ARID2: variants seen among roughly 807,000 people sequenced by gnomAD.
ARID2 encodes AT-rich interactive domain-containing protein 2.
ARID2 carries 32 observed loss-of-function variants against 184.6 expected under a neutral mutation model. That is an observed-to-expected ratio of 0.17 (90% CI 0.13 to 0.23). The LOEUF is 0.23. Among genes scored for constraint, ARID2 ranks in the 10% least tolerant of loss-of-function variants. The pLI is 1.00. For missense variants in ARID2, 1,696 were observed against 2,197.6 expected (o/e 0.77, Z 4.56); for synonymous variants, 836 against 772.6 (o/e 1.08, Z -1.36).
intron 11 of ARID2, among the ~76,000 whole-genome samples, chr12:45,843,587 A>G (rs1316132996): frequency 6.6e-6 from 1 of 151,836 alleles, no homozygotes; most frequent in African/African-American, 2.4e-5. Context: ...CAGGCTGGTC[A>G]CAGAATTTTC....
rs186422890 is a variant in ARID2 at position 45,884,716 on chromosome 12, G to A, written c.4923-7064G>A. ...AGTCAGAACTGAGGGCAGTTGGTTT[G>A]GATCATCCCCCATATGAACCCCTTC... On this transcript the variant is annotated intron_variant, in intron 16 of 20. Transcript: ENST00000334344. 3.0e-4 allele frequency among the ~76,000 whole-genome samples: 46 copies of A among 152,202 alleles called. No individual in the cohort carries two copies. In the East Asian group the frequency reaches 5.4e-3, roughly 18 times the overall value.
chr12:45,846,199 A>G (rs1208438848), intron 11 of ARID2: 1 of 152,178 alleles, frequency 6.6e-6, no homozygotes, highest in Non-Finnish European at 1.5e-5. Flanking sequence ...CTCTTTCAGG[A>G]AAAAAGTATA....
intron 16 of ARID2, among the ~76,000 whole-genome samples, chr12:45,875,383 C>A (rs1285889079): frequency 6.6e-6 from 1 of 152,196 alleles, no homozygotes; most frequent in Non-Finnish European, 1.5e-5. Flanking sequence ...GTTGCCCAGG[C>A]AATGTAGATT....
intron 3 of ARID2, among the ~76,000 whole-genome samples, chr12:45,785,483 G>C (rs1443526475): frequency 6.6e-6 from 1 of 152,072 alleles, no homozygotes; most frequent in African/African-American, 2.4e-5. Flanking sequence ...GATTTATGTG[G>C]TAGTGAAAGA....
At chr12:45,754,353 C>T (rs1416119837) in intron 3 of ARID2, among the ~76,000 whole-genome samples, 1 of 152,200 alleles carries the variant, frequency 6.6e-6, no homozygotes, top group African/African-American at 2.4e-5. Flanking sequence ...CATACCCTTG[C>T]ACATCTTTTG....
chr12:45,791,405 A>G (rs1029937106), intron 3 of ARID2, among the ~76,000 whole-genome samples: 1 of 152,184 alleles, frequency 6.6e-6, no homozygotes, highest in Non-Finnish European at 1.5e-5. Flanking sequence ...TCCTGGTATA[A>G]ACTCAACTTT....
Position 45,749,189 on chromosome 12 carries a change from A to G in ARID2, c.284+17875A>G, listed in dbSNP as rs538345183. ...GAAAGTCAAAATGACTCCTTGTTCC[A>G]TGGGCTGTAGAATGGATGTTGTGTC... On this transcript the variant is annotated intron_variant, in intron 3 of 20. Coordinates refer to ENST00000334344, the MANE Select transcript of ARID2 (RefSeq NM_152641.4). 3.9e-5 allele frequency among the ~76,000 whole-genome samples: 6 copies of G among 152,352 alleles called. No individual in the cohort carries two copies. The East Asian group carries it at 1.2e-3, about 29-fold the overall frequency.
chr12:45,797,546 T>C (rs1942413267), intron 3 of ARID2, among the ~76,000 whole-genome samples: 1 of 152,208 alleles, frequency 6.6e-6, no homozygotes, highest in Admixed American at 6.5e-5. Flanking sequence ...TTTTAAATTT[T>C]AATGAGATAA....
rs371296258 is a variant in ARID2 at position 45,889,806 on chromosome 12, C to T, written c.4923-1974C>T. Reference sequence around the variant, plus strand: ...TACAAAAATTAGCTGGGCGTGGTGGCAGGTGCCTGTAGTCCCAGCTACTTG... The same window carrying T: ...TACAAAAATTAGCTGGGCGTGGTGGTAGGTGCCTGTAGTCCCAGCTACTTG... On this transcript the variant is annotated intron_variant, in intron 16 of 20. Coordinates refer to ENST00000334344, the MANE Select transcript of ARID2 (RefSeq NM_152641.4). 2.3e-3 allele frequency among the ~76,000 whole-genome samples: 343 copies of T among 152,252 alleles called. 12 individuals are homozygous for T. In the South Asian group the frequency reaches 0.067, roughly 30 times the overall value.
chr12:45,838,895 T>C (rs1329918806), intron 10 of ARID2, among the ~76,000 whole-genome samples: 1 of 148,582 alleles, frequency 6.7e-6, no homozygotes, highest in Non-Finnish European at 1.5e-5. Flanking sequence ...AGACAGAATC[T>C]CACTCTGTCG....
intron 3 of ARID2, among the ~76,000 whole-genome samples, chr12:45,773,723 A>G (rs1377271438): frequency 2.6e-5 from 4 of 152,196 alleles, no homozygotes; most frequent in African/African-American, 7.2e-5. Context: ...TAACAAATAA[A>G]GAGATTGAGT....
At chr12:45,811,377 A>G (rs1248697536) in intron 3 of ARID2, 41 bp from the exon 4 acceptor site, 23 of 1,572,270 alleles carry the variant, frequency 1.5e-5, no homozygotes, top group Non-Finnish European at 1.8e-5. Flanking sequence ...TAAGATATAA[A>G]TCTATTTTTA....
chr12:45,866,321 C>A (rs1237024011), intron 16 of ARID2, among the ~76,000 whole-genome samples: 1 of 152,094 alleles, frequency 6.6e-6, no homozygotes, highest in Non-Finnish European at 1.5e-5. Context: ...ACATTTCTTT[C>A]CATAAATAAG....
intron 20 of ARID2, among the ~76,000 whole-genome samples, chr12:45,903,735 T>C (rs1944486474): frequency 6.6e-6 from 1 of 152,116 alleles, no homozygotes; most frequent in African/African-American, 2.4e-5. Flanking sequence ...TTCTACAGTG[T>C]TTTTTAATTC....
chr12:45,802,036 T>G (rs1282359520), intron 3 of ARID2, among the ~76,000 whole-genome samples: 1 of 152,082 alleles, frequency 6.6e-6, no homozygotes, highest in East Asian at 1.9e-4. Flanking sequence ...AGTGTAGATA[T>G]AAGAGTTTTG....
chr12:45,757,272 C>G (rs1941588245), intron 3 of ARID2, among the ~76,000 whole-genome samples: 1 of 152,180 alleles, frequency 6.6e-6, no homozygotes, highest in African/African-American at 2.4e-5. Context: ...AAACATCGTT[C>G]TTTTCTGCAA....
chr12:45,785,862 G>C (rs1025842734), intron 3 of ARID2, among the ~76,000 whole-genome samples: 19 of 152,196 alleles, frequency 1.2e-4, no homozygotes, highest in Admixed American at 1.1e-3. Flanking sequence ...TCCTAAAAAA[G>C]ATCCAGTGAA....
At chr12:45,843,295 A>G (rs1306337623) in intron 11 of ARID2, among the ~76,000 whole-genome samples, 4 of 150,112 alleles carry the variant, frequency 2.7e-5, no homozygotes, top group Non-Finnish European at 5.9e-5. Flanking sequence ...GTACATCAGA[A>G]TCATGTGATA....
At chr12:45,891,957 G>T in intron 17 of ARID2, 39 bp downstream of exon 17, 2 of 1,614,034 alleles carry the variant, frequency 1.2e-6, no homozygotes, top group South Asian at 2.2e-5. Flanking sequence ...TAACTCATTT[G>T]ACTGCATTAA....
Sources: allele counts gnomAD v4.1 joint callset (sites outside exome capture counted in the v4.1 genomes callset), GRCh38; gene constraint gnomAD v4.1.1; transcripts MANE v1.5; gene names NCBI Gene and HGNC (gene_info 2026-07-23, HGNC 2026-07-21).